OTOG: variants seen among roughly 807,000 people sequenced by gnomAD.
The protein encoded by OTOG is otogelin.
In OTOG, 296 loss-of-function variants were observed where a neutral mutation model predicts 313.8. That is an observed-to-expected ratio of 0.94 (90% CI 0.86 to 1.04). OTOG has a LOEUF of 1.04. OTOG is among the 50% of genes least tolerant of loss of function. OTOG has a pLI of 0.00. For synonymous variants in OTOG, 1,533 were observed against 1,554.9 expected (o/e 0.99, Z 0.33); for missense variants, 3,948 against 3,840.1 (o/e 1.03, Z -0.74).
intron 22 of OTOG, 173 bp from the exon 23 acceptor site, chr11:17,578,200 C>T (rs1852581067): frequency 2.2e-6 from 3 of 1,366,266 alleles, no homozygotes; most frequent in Non-Finnish European, 2.8e-6. Flanking sequence ...CAGCACACAT[C>T]TACCCCTCCC....
chr11:17,586,769 TG>T lies in OTOG; in HGVS notation c.2867+189del, dbSNP rs1852803563. ...GTATATGCATACAAAGGAATATTTTTGTTTTTACATGAGTATGTTTGTTCAG... is the reference window on the plus strand; with the variant it reads ...GTATATGCATACAAAGGAATATTTTTTTTTTACATGAGTATGTTTGTTCAG... On this transcript the variant is annotated intron_variant, in intron 24 of 55. Transcript: ENST00000399397. Among the ~76,000 whole-genome samples the T allele has an allele frequency of 3.9e-5, 6 of 152,240 alleles. No homozygotes were observed. The South Asian group carries it at 1.2e-3, about 31-fold the overall frequency.
At chr11:17,568,711 C>A (rs1852342001) in intron 15 of OTOG, among the ~76,000 whole-genome samples, 1 of 152,042 alleles carries the variant, frequency 6.6e-6, no homozygotes, top group South Asian at 2.1e-4. Flanking sequence ...AACCTGAGGC[C>A]CAGAGAATAT....
At chr11:17,604,029 T>C (rs1318009368) in intron 32 of OTOG, among the ~76,000 whole-genome samples, 2 of 152,174 alleles carry the variant, frequency 1.3e-5, no homozygotes, top group African/African-American at 4.8e-5. Context: ...GACTATTATT[T>C]TCCCAATCTA....
At chr11:17,563,792 C>T (rs759326258) in intron 15 of OTOG, among the ~76,000 whole-genome samples, 11 of 151,974 alleles carry the variant, frequency 7.2e-5, no homozygotes, top group East Asian at 1.9e-4. Flanking sequence ...TCGCTCTTCC[C>T]ACCTCAGCCT....
In OTOG at chr11:17,569,292, C is replaced by T. The variant is rs943510324; in HGVS notation, c.1777+4C>T. On this transcript the variant is annotated splice_donor_region_variant and intron_variant, in intron 16 of 55. Transcript: ENST00000399397. ...ATCATCCCGCCATACACAGATGGTA[C>T]GGTTTGGGGTGGACAACAGACCTAG... 55 of 1,550,384 alleles carry T rather than the reference C, an allele frequency of 3.5e-5. No homozygotes were observed. Among genetic ancestry groups the T allele is most frequent in the Non-Finnish European group, 4.3e-5 (49 of 1,146,944 alleles).
At position 17,609,573 on chromosome 11, in the gene OTOG, C is replaced by T. The variant is rs962023714; in HGVS notation, c.4355-82C>T. 6 of 1,269,482 alleles carry T rather than the reference C, an allele frequency of 4.7e-6. No individual in the cohort carries two copies. In the Admixed American group the frequency reaches 1.7e-4, roughly 36 times the overall value. The allele number at this position is 1,269,482 out of a possible 1,614,324, so 78.6% of individuals were successfully genotyped here. ...ATCACCGAGAGTGCCAGTCCTCAAG[C>T]CTCACACCACAGCCCTGCCCAGCAA... On this transcript the variant is annotated intron_variant, in intron 35 of 55. Coordinates refer to ENST00000399397, the MANE Select transcript of OTOG (RefSeq NM_001292063.2).
intron 2 of OTOG, 29 bp downstream of exon 2, chr11:17,548,016 A>C (rs1592056575): frequency 1.0e-6 from 1 of 971,292 alleles, no homozygotes; most frequent in Non-Finnish European, 1.4e-6. Context: ...TGGCGGCCCC[A>C]CCCACAGCTC....
chr11:17,591,703 G>T, intron 25 of OTOG, 115 bp downstream of exon 25: 1 of 1,342,014 alleles, frequency 7.5e-7, no homozygotes, highest in Non-Finnish European at 1.0e-6. Context: ...AAGCCCTGAG[G>T]TGGGGCTATC....
At chr11:17,592,520 G>A (rs1852972599) in intron 25 of OTOG, among the ~76,000 whole-genome samples, 2 of 152,026 alleles carry the variant, frequency 1.3e-5, no homozygotes, top group African/African-American at 2.4e-5. Context: ...GATGAATCCT[G>A]CAAGAACTTT....
rs950583258 is a variant in OTOG at position 17,560,885 on chromosome 11, A to C, written c.1451+68A>C. 4 of 1,370,182 alleles carry C rather than the reference A, an allele frequency of 2.9e-6. No individual in the cohort carries two copies. In the African/African-American group the frequency reaches 5.8e-5, roughly 20 times the overall value. The allele number at this position is 1,370,182 out of a possible 1,614,324, so 84.9% of individuals were successfully genotyped here. On this transcript the variant is annotated intron_variant, in intron 13 of 55. Coordinates refer to ENST00000399397, the MANE Select transcript of OTOG (RefSeq NM_001292063.2). ...CTGAGGCTTTCCACGAGGGCTGCCC[A>C]TCTGGGAGCACTAATGGCTGGCGTC...
intron 24 of OTOG, among the ~76,000 whole-genome samples, chr11:17,588,968 C>A (rs1157481634): frequency 1.3e-5 from 2 of 152,166 alleles, no homozygotes; most frequent in Non-Finnish European, 2.9e-5. Flanking sequence ...CTGCCTCTCA[C>A]CCCCTCGATG....
At chr11:17,572,059 A>G (rs1565098117) in intron 17 of OTOG, 21 bp from the exon 18 acceptor site, 29 of 1,550,154 alleles carry the variant, frequency 1.9e-5, no homozygotes, top group Non-Finnish European at 2.5e-5. Context: ...GTGTGTGAAT[A>G]TGGCTGTGAC....
In OTOG at chr11:17,610,968, G is replaced by T. The variant is rs1490743815; in HGVS notation, c.5668G>T (p.Val1890Leu). ...ATTGCCAACCTCTGGAGTCCTGCCTGTGGCTGAGGGCACGGCCTCCATGGT... is the reference window on the plus strand; with the variant it reads ...ATTGCCAACCTCTGGAGTCCTGCCTTTGGCTGAGGGCACGGCCTCCATGGT... Reference protein sequence around the residue: ...ATLPTSGVLPVAEGTASMVSV... With the variant: ...ATLPTSGVLPLAEGTASMVSV... Residue 1890 changes from valine to leucine, a missense_variant, in exon 36 of 56, where the codon GTG (valine) becomes TTG (leucine). Transcript: ENST00000399397. 5 of 1,550,616 alleles carry T rather than the reference G, an allele frequency of 3.2e-6. No individual in the cohort carries two copies. In the East Asian group the frequency reaches 1.2e-4, roughly 38 times the overall value.
At position 17,591,860 on chromosome 11, in the gene OTOG, A is replaced by G. The variant is rs60370273; in HGVS notation, c.3006+272A>G. The stretch of plus-strand genomic sequence containing the variant: ...TTTCTGTCTATAATAGCAAGAGCTA[A>G]TGCTTTTTGAGCTTTATTATGTACC... On this transcript the variant is annotated intron_variant, in intron 25 of 55. Transcript: ENST00000399397. Among the ~76,000 whole-genome samples the G allele has an allele frequency of 0.036, 5,478 of 152,284 alleles. 124 individuals are homozygous for G. Among genetic ancestry groups the G allele is most frequent in the Middle Eastern group, 0.1 (30 of 292 alleles).
At position 17,610,478 on chromosome 11, in the gene OTOG, C is replaced by T. The variant is rs772061559; in HGVS notation, c.5178C>T (p.Gly1726=). Residue 1726 remains glycine (G), a synonymous_variant, in exon 36 of 56, where the codon GGC becomes GGT. Transcript: ENST00000399397. ...AGATAGTGCTATCCACAGAGAAGGG[C>T]GAAGCCGGGCACAGCCAGCCCATGG... ...SLEIVLSTEK[G]EAGHSQPMGS... is the part of the protein sequence containing the mutation. 8.4e-6 allele frequency: 13 copies of T among 1,550,464 alleles called. No individual in the cohort carries two copies. The highest frequency in any genetic ancestry group is 8.3e-5 in the South Asian group (7 of 84,060).
chr11:17,571,309 G>A (rs767094445), intron 17 of OTOG, among the ~76,000 whole-genome samples: 2 of 152,138 alleles, frequency 1.3e-5, no homozygotes, highest in Non-Finnish European at 2.9e-5. Flanking sequence ...TGTAACCTTT[G>A]GGTAGGAATA....
chr11:17,552,747 C>T (rs1318693796), intron 4 of OTOG, among the ~76,000 whole-genome samples: 1 of 152,258 alleles, frequency 6.6e-6, no homozygotes, highest in East Asian at 1.9e-4. Flanking sequence ...GTGTGTGGAG[C>T]AGTGAGGAGG....
In OTOG at chr11:17,581,023, G is replaced by A. The variant is rs573677566; in HGVS notation, c.2759+2497G>A. ...GATCAGTAGTTTTTGAAGAAGGAAC[G>A]TGGGTGGATGTGTAGAAACTGGCCT... is the stretch of plus-strand genomic sequence containing the variant. On this transcript the variant is annotated intron_variant, in intron 23 of 55. Coordinates refer to ENST00000399397, the MANE Select transcript of OTOG (RefSeq NM_001292063.2). 2.9e-4 allele frequency among the ~76,000 whole-genome samples: 44 copies of A among 152,314 alleles called. No homozygotes were observed. In the South Asian group the frequency reaches 7.7e-3, roughly 27 times the overall value.
chr11:17,563,562 A>G (rs1852234064), intron 15 of OTOG, among the ~76,000 whole-genome samples: 1 of 152,218 alleles, frequency 6.6e-6, no homozygotes, highest in Admixed American at 6.5e-5. Context: ...AAGTGGGGTC[A>G]TTCCCATCAC....
Sources: allele counts gnomAD v4.1 joint callset (sites outside exome capture counted in the v4.1 genomes callset), GRCh38; gene constraint gnomAD v4.1.1; transcripts MANE v1.5; gene names NCBI Gene and HGNC (gene_info 2026-07-23, HGNC 2026-07-21).